CYREN: variants seen among roughly 807,000 people sequenced by gnomAD.
The protein encoded by CYREN is cell cycle regulator of NHEJ, also known as cell cycle regulator of non-homologous end joining.
A neutral mutation model predicts 9.7 loss-of-function variants in CYREN; 7 were observed. The ratio of observed to expected loss-of-function variants is 0.72; its 90% confidence interval spans 0.41 to 1.36. CYREN has a LOEUF of 1.36. Ranked by LOEUF, CYREN falls within the 40% of genes most tolerant of loss-of-function variation. CYREN has a pLI of 0.01. For missense variants in CYREN, 215 were observed against 198.1 expected, an observed-to-expected ratio of 1.09 and a Z score of -0.51; for synonymous variants, 76 against 77.9, an observed-to-expected ratio of 0.98 and a Z score of 0.13.
At chr7:135,096,584 C>CATAGATAGATAGATACATAGATAG (rs1822815170) in intron 2 of CYREN, among the ~76,000 whole-genome samples, 1 of 88,816 alleles carries the variant, frequency 1.1e-5, no homozygotes, top group Non-Finnish European at 2.4e-5. Flanking sequence ...TAGATAGATA[C>CATAGATAGATAGATACATAGATAG]ATAGATAGAT....
At chr7:135,107,406 A>G (rs898285841) in intron 2 of CYREN, among the ~76,000 whole-genome samples, 3 of 152,140 alleles carry the variant, frequency 2.0e-5, no homozygotes, top group Admixed American at 6.5e-5. Flanking sequence ...AGATTCTGGT[A>G]TGTTATATCT....
rs1349353878 is a variant in CYREN, at chr7:135,167,770, C to G, written c.175G>C (p.Ala59Pro). Reference protein sequence around the residue: ...ATRTVYCMNEAEIVDVALGIL... With the variant: ...ATRTVYCMNEPEIVDVALGIL... ...CCCAGAGCAACATCAACTATCTCAG[C>G]CTCATTCATGCAGTACACAGTCCTT... Residue 59 changes from alanine (A) to proline (P), a missense_variant, in exon 3 of 4, where the codon GCT (alanine) becomes CCT (proline). Transcript: ENST00000393114. 4 of 1,614,086 alleles carry G rather than the reference C, an allele frequency of 2.5e-6. No individual in the cohort carries two copies. The African/African-American group carries it at 5.3e-5, about 22-fold the overall frequency.
chr7:135,128,079 G>A (rs1828143897), intron 2 of CYREN, among the ~76,000 whole-genome samples: 1 of 151,980 alleles, frequency 6.6e-6, no homozygotes, highest in African/African-American at 2.4e-5. Flanking sequence ...GGATCACAAG[G>A]TCAGGAGTTT....
intron 2 of CYREN, among the ~76,000 whole-genome samples, chr7:135,146,491 A>G (rs1829550623): frequency 6.6e-6 from 1 of 152,234 alleles, no homozygotes; most frequent in South Asian, 2.1e-4. Flanking sequence ...AATGCCACAA[A>G]TCCTCAATTT....
downstream of CYREN, chr7:135,165,083 C>G: frequency 6.9e-7 from 1 of 1,458,336 alleles, no homozygotes; most frequent in Non-Finnish European, 9.2e-7. Flanking sequence ...ACAGCTAACG[C>G]TGATCTCCAG....
chr7:135,171,072 C>T (rs574271191), upstream of CYREN, among the ~76,000 whole-genome samples: 16 of 152,290 alleles, frequency 1.1e-4, no homozygotes, highest in Non-Finnish European at 2.2e-4. Context: ...CCAGGCCCCC[C>T]TCGTGTGCTT....
At chr7:135,150,627 A>T (rs1167998116) in intron 2 of CYREN, among the ~76,000 whole-genome samples, 2 of 152,246 alleles carry the variant, frequency 1.3e-5, no homozygotes, top group Admixed American at 6.5e-5. Context: ...AGCCAAAGGC[A>T]GTCACCAGTT....
chr7:135,161,531 A>G (rs1327551754), downstream of CYREN, among the ~76,000 whole-genome samples: 3 of 152,238 alleles, frequency 2.0e-5, no homozygotes, highest in East Asian at 1.9e-4. The surrounding 1 kb of genome is among the most constrained non-coding windows in gnomAD (Gnocchi z 4.1). Flanking sequence ...ACCCAAACCC[A>G]TTAAAAGCAC....
chr7:135,133,839 A>G (rs1829118667), intron 2 of CYREN, among the ~76,000 whole-genome samples: 1 of 152,156 alleles, frequency 6.6e-6, no homozygotes, highest in Non-Finnish European at 1.5e-5. Context: ...CATTGAATGG[A>G]TGAATTATTA....
Position 135,134,775 on chromosome 7 carries a change from A to T in CYREN, n.356+33974T>A. 8.8e-6 allele frequency: 12 copies of T among 1,358,120 alleles called. No homozygotes were observed. The South Asian group carries it at 1.6e-4, about 18-fold the overall frequency. The allele number at this position is 1,358,120 out of a possible 1,614,324, so 84.1% of individuals were successfully genotyped here. ...GAAAAATATTATTTATACTATGACAACATACCTAGGACTACAAAGTAGGTC... is the reference window on the plus strand; with the variant it reads ...GAAAAATATTATTTATACTATGACATCATACCTAGGACTACAAAGTAGGTC... On this transcript the variant is annotated intron_variant and non_coding_transcript_variant, in intron 2 of 2. Coordinates refer to the CYREN transcript ENST00000459937.
At chr7:135,126,040 C>T (rs1417455596) in intron 2 of CYREN, among the ~76,000 whole-genome samples, 1 of 152,112 alleles carries the variant, frequency 6.6e-6, no homozygotes, top group African/African-American at 2.4e-5. Context: ...GAAGCTCTGG[C>T]CAGGGCAATC....
chr7:135,167,083 TC>T (rs1830215542), intron 3 of CYREN: 1 of 983,660 alleles, frequency 1.0e-6, no homozygotes, highest in Non-Finnish European at 1.2e-6. Flanking sequence ...CAGAACCCAC[TC>T]GGGAGAGAAG....
chr7:135,092,327 T>C (rs1381012184), downstream of CYREN: 1 of 152,250 alleles, frequency 6.6e-6, no homozygotes, highest in Non-Finnish European at 1.5e-5. Flanking sequence ...TATATTTTTA[T>C]TCTGAATATA....
intron 2 of CYREN, chr7:135,129,285 T>A: frequency 1.3e-6 from 2 of 1,509,654 alleles, no homozygotes; most frequent in Non-Finnish European, 1.8e-6. Context: ...CTGTACCTTG[T>A]GCAGGTTGAC....
At position 135,135,371 on chromosome 7, in the gene CYREN, A is replaced by C. The variant is rs1043614632; in HGVS notation, n.356+33378T>G. On this transcript the variant is annotated intron_variant and non_coding_transcript_variant, in intron 2 of 2. Transcript: ENST00000459937. Reference sequence around the variant, plus strand: ...TTCCCCTTTCCCTATCTCTCCCCTTACACATGCATATGCATAAACTAAAAA... The same window carrying C: ...TTCCCCTTTCCCTATCTCTCCCCTTCCACATGCATATGCATAAACTAAAAA... 6 of 982,846 alleles carry C rather than the reference A, an allele frequency of 6.1e-6. No homozygotes were observed. The South Asian group carries it at 1.1e-4, about 19-fold the overall frequency. The allele number at this position is 982,846 out of a possible 1,614,324, so 60.9% of individuals were successfully genotyped here. A position where few individuals can be genotyped will look rare whatever the true frequency, so the allele number is the denominator to read the frequency against.
chr7:135,171,830 A>G (rs112305360), upstream of CYREN, among the ~76,000 whole-genome samples: 249 of 152,304 alleles, frequency 1.6e-3, 4 homozygotes, highest in African/African-American at 5.4e-3. Context: ...GACTGACGCA[A>G]TCCAAAGAGC....
At chr7:135,134,649 A>T (rs1829230002) in intron 2 of CYREN, among the ~76,000 whole-genome samples, 1 of 152,026 alleles carries the variant, frequency 6.6e-6, no homozygotes, top group Non-Finnish European at 1.5e-5. Context: ...TTAGAAATAC[A>T]GGATTGGAAT....
chr7:135,118,138 A>C (rs1826589584), intron 2 of CYREN, among the ~76,000 whole-genome samples: 2 of 151,940 alleles, frequency 1.3e-5, no homozygotes, highest in Non-Finnish European at 2.9e-5. Context: ...CTTTCTTATA[A>C]TTCTTCCCCT....
At chr7:135,101,123 C>T (rs781151724) in intron 2 of CYREN, 11 of 453,788 alleles carry the variant, frequency 2.4e-5, no homozygotes, top group Non-Finnish European at 4.4e-5. Flanking sequence ...CCAACACAAA[C>T]ATTTTTTAGA....
Sources: gnomAD v4.1 joint callset for allele counts (sites outside exome capture counted in the v4.1 genomes callset) on GRCh38, gnomAD v4.1.1 for gene constraint, Gnocchi (gnomAD v3.1) non-coding constraint, MANE v1.5 for transcripts, NCBI Gene and HGNC (gene_info 2026-07-23, HGNC 2026-07-21) for gene names.